The following SEC24A variants were observed in gnomAD, a reference collection of about 807,000 sequenced individuals.
The protein encoded by SEC24A is protein transport protein Sec24A.
In SEC24A, 93 loss-of-function variants were observed where a neutral mutation model predicts 129.4. The ratio of observed to expected loss-of-function variants is 0.72; its 90% CI spans 0.61 to 0.85. The LOEUF is 0.85. Among genes scored for constraint, SEC24A ranks in the 40% least tolerant of loss-of-function variants. The probability of loss-of-function intolerance (pLI) is 0.00; values close to 1 mark genes in which losing one functional copy is unlikely to be tolerated. For missense variants in SEC24A, 1,264 were observed against 1,307.4 expected, an observed-to-expected ratio of 0.97 and a Z score of 0.51; for synonymous variants, 460 against 467.3, an observed-to-expected ratio of 0.98 and a Z score of 0.20.
intron 2 of SEC24A, among the ~76,000 whole-genome samples, chr5:134,663,276 G>A (rs564341274): frequency 2.6e-5 from 4 of 152,000 alleles, no homozygotes; most frequent in Non-Finnish European, 4.4e-5. Context: ...TTACCCTGTC[G>A]CCCAGGGTAG....
At chr5:134,703,440 G>A (rs190500565) in intron 15 of SEC24A, among the ~76,000 whole-genome samples, 1 of 152,154 alleles carries the variant, frequency 6.6e-6, no homozygotes, top group Admixed American at 6.6e-5. Context: ...GCTAATTTTT[G>A]TGTTTTTGGT....
rs536740827 is a variant in SEC24A, at chr5:134,691,843, T to C, written c.1724-759T>C. 8.6e-5 allele frequency among the ~76,000 whole-genome samples: 13 copies of C among 152,046 alleles called. No individual in the cohort carries two copies. In the South Asian group the frequency reaches 2.5e-3, roughly 29 times the overall value. ...ATGACAGAGCTATTGGTGAGCTGTA[T>C]TGCTTCCTTATGAAGACAGCATTCT... On this transcript the variant is annotated intron_variant, in intron 11 of 22. Coordinates refer to ENST00000398844, the MANE Select transcript of SEC24A (RefSeq NM_021982.3).
At chr5:134,714,530 T>G (rs1300279468) in intron 18 of SEC24A, among the ~76,000 whole-genome samples, 1 of 152,238 alleles carries the variant, frequency 6.6e-6, no homozygotes, top group Non-Finnish European at 1.5e-5. Context: ...TGGAACAGTT[T>G]CATCCCAAAA....
At chr5:134,690,647 A>G (rs1184295306) in intron 11 of SEC24A, among the ~76,000 whole-genome samples, 2 of 152,214 alleles carry the variant, frequency 1.3e-5, no homozygotes, top group Non-Finnish European at 2.9e-5. Context: ...GAAACAAAAT[A>G]TAGAAATCTA....
At chr5:134,668,542 A>G (rs532520895) in intron 3 of SEC24A, among the ~76,000 whole-genome samples, 1 of 152,338 alleles carries the variant, frequency 6.6e-6, no homozygotes, top group Admixed American at 6.5e-5. Context: ...CCTGGCCAGC[A>G]TGGCGAAACC....
intron 20 of SEC24A, 126 bp from the exon 21 acceptor site, chr5:134,720,872 A>G: frequency 5.6e-6 from 3 of 534,692 alleles, no homozygotes; most frequent in Non-Finnish European, 1.0e-5. Flanking sequence ...ACTGCACTCC[A>G]GCCTGGGTGA....
At position 134,686,918 on chromosome 5, in the gene SEC24A, C is replaced by T. The variant is rs777346542; in HGVS notation, c.1604+16C>T. The stretch of plus-strand genomic sequence containing the variant: ...ATCTGGATTTGTAAGTTTCTCAATT[C>T]AGCTTAAATATGAAACTAATAATAT... On this transcript the variant is annotated intron_variant, in intron 10 of 22. Transcript: ENST00000398844. 3 of 1,362,308 alleles carry T rather than the reference C, an allele frequency of 2.2e-6. No homozygotes were observed. In the South Asian group the frequency reaches 3.8e-5, roughly 17 times the overall value. 84.4% of individuals were successfully genotyped at this position (1,362,308 alleles called of 1,614,324 possible). A position where few individuals can be genotyped will look rare whatever the true frequency, so the allele number is the denominator to read the frequency against.
At chr5:134,708,223 A>C (rs977485274) in intron 17 of SEC24A, among the ~76,000 whole-genome samples, 6 of 151,926 alleles carry the variant, frequency 3.9e-5, no homozygotes, top group African/African-American at 1.5e-4. Context: ...TAATCCCAAC[A>C]CTTTGGGAGG....
chr5:134,686,642 A>G (rs1751462494), intron 9 of SEC24A, 148 bp from the exon 10 acceptor site: 1 of 456,832 alleles, frequency 2.2e-6, no homozygotes, highest in African/African-American at 2.0e-5. Context: ...ACATCTATAA[A>G]CAATATAGTA....
In SEC24A at chr5:134,676,144, C is replaced by CTTTT; in HGVS notation, c.1254+29_1254+32dup. 7.8e-6 allele frequency: 10 copies of CTTTT among 1,275,722 alleles called. No homozygotes were observed. The highest frequency in any genetic ancestry group is 2.3e-5 in the Admixed American group (1 of 43,358). 79.0% of individuals were successfully genotyped at this position (1,275,722 alleles called of 1,614,324 possible). ...CTTAGTGGTATGTTTCTTTTCTTTT[C>CTTTT]TTTTTTTTTTTTTGAGACGGAGTCT... On this transcript the variant is annotated intron_variant, in intron 7 of 22. Transcript: ENST00000398844.
chr5:134,708,768 T>A lies in SEC24A; in HGVS notation c.2607T>A (p.Asn869Lys). 1 of 1,614,218 alleles carries A rather than the reference T, an allele frequency of 6.2e-7. No individual in the cohort carries two copies. The highest frequency in any genetic ancestry group is 8.5e-7 in the Non-Finnish European group (1 of 1,180,034). Residue 869 changes from asparagine to lysine, a missense_variant, in exon 18 of 23, where the codon AAT becomes AAA. Transcript: ENST00000398844. ...GTGACGCTCGGGATGCTCTAGTGAA[T>A]GCAGTCATTGACTCCCTTTCAGCTT... ...SLSDARDALV[N>K]AVIDSLSAYR...
chr5:134,720,388 T>C (rs568089929), intron 20 of SEC24A, among the ~76,000 whole-genome samples: 17 of 152,324 alleles, frequency 1.1e-4, no homozygotes, highest in African/African-American at 4.1e-4. Context: ...AAATCCACTC[T>C]ATGATGTTCA....
intron 2 of SEC24A, among the ~76,000 whole-genome samples, chr5:134,662,654 G>T (rs1340279256): frequency 6.6e-6 from 1 of 152,150 alleles, no homozygotes; most frequent in African/African-American, 2.4e-5. Context: ...CCAAGCCTTT[G>T]ATCAGACATT....
chr5:134,723,699 T>C (rs754880127), intron 22 of SEC24A, 29 bp downstream of exon 22: 2 of 1,377,226 alleles, frequency 1.5e-6, no homozygotes, highest in East Asian at 4.6e-5. Flanking sequence ...TTGCTAGTAG[T>C]AAAACAATTT....
At position 134,708,788 on chromosome 5, in the gene SEC24A, C is replaced by T; in HGVS notation, c.2627C>T (p.Ser876Leu). The T allele has an allele frequency of 6.2e-7, 1 of 1,614,198 alleles. No homozygotes were observed. The highest frequency in any genetic ancestry group is 8.5e-7 in the Non-Finnish European group (1 of 1,180,042). ...ALVNAVIDSLSAYRSSVLSNQ... is the reference protein window; with the variant it reads ...ALVNAVIDSLLAYRSSVLSNQ... Reference sequence around the variant, plus strand: ...GTGAATGCAGTCATTGACTCCCTTTCAGCTTACCGTTCTTCAGTCTTAAGT... The same window carrying T: ...GTGAATGCAGTCATTGACTCCCTTTTAGCTTACCGTTCTTCAGTCTTAAGT... The change falls in exon 18 of 23, where the codon TCA becomes TTA. Residue 876 changes from serine to leucine, a missense_variant. Coordinates refer to ENST00000398844, the MANE Select transcript of SEC24A (RefSeq NM_021982.3).
chr5:134,701,912 C>A (rs534713291), intron 15 of SEC24A, among the ~76,000 whole-genome samples: 3 of 152,182 alleles, frequency 2.0e-5, no homozygotes, highest in Admixed American at 2.0e-4. Flanking sequence ...CAAATACATA[C>A]TCTAGAAAAG....
In SEC24A at chr5:134,708,768, T is replaced by G. The variant is rs1237915851; in HGVS notation, c.2607T>G (p.Asn869Lys). The G allele has an allele frequency of 6.2e-7, 1 of 1,614,100 alleles. No homozygotes were observed. The highest frequency in any genetic ancestry group is 1.3e-5 in the African/African-American group (1 of 74,948). ...GTGACGCTCGGGATGCTCTAGTGAA[T>G]GCAGTCATTGACTCCCTTTCAGCTT... Reference protein sequence around the residue: ...SLSDARDALVNAVIDSLSAYR... With the variant: ...SLSDARDALVKAVIDSLSAYR... The change falls in exon 18 of 23, where the codon AAT (asparagine) becomes AAG (lysine). Residue 869 changes from asparagine (N) to lysine (K), a missense_variant. Physicochemically the swap from Asn to Lys is moderately conservative, Grantham distance 94. Coordinates refer to ENST00000398844, the MANE Select transcript of SEC24A (RefSeq NM_021982.3).
chr5:134,720,628 T>C (rs1031362430), intron 20 of SEC24A, among the ~76,000 whole-genome samples: 1 of 152,104 alleles, frequency 6.6e-6, no homozygotes, highest in Admixed American at 6.6e-5. Flanking sequence ...TCAAGCTGGG[T>C]GTGGTGGCTC....
At chr5:134,659,575 G>C (rs551364522) in intron 1 of SEC24A, among the ~76,000 whole-genome samples, 40 of 151,788 alleles carry the variant, frequency 2.6e-4, no homozygotes, top group African/African-American at 8.9e-4. Context: ...ATAGGTCTAT[G>C]ATGGTGACTA....
Sources: gnomAD v4.1 joint callset for allele counts (sites outside exome capture counted in the v4.1 genomes callset) on GRCh38, gnomAD v4.1.1 for gene constraint, MANE v1.5 for transcripts, NCBI Gene and HGNC (gene_info 2026-07-23, HGNC 2026-07-21) for gene names.